The following ARB2A variants were observed in gnomAD, a reference collection of about 807,000 sequenced individuals.
The protein encoded by ARB2A is ARB2 cotranscriptional regulator A.
At chr5:93,735,994 C>T in the ARB2A span, 3 of 152,070 alleles carry the variant, frequency 2.0e-5, no homozygotes, top group East Asian at 1.9e-4. Flanking sequence ...GCATTAAGAG[C>T]AGACATTAAG....
chr5:93,784,423 T>G, the ARB2A span: 1 of 1,613,552 alleles, frequency 6.2e-7, no homozygotes, highest in Non-Finnish European at 8.5e-7. Context: ...AGCTTCTTGA[T>G]GCCACACATT....
chr5:93,697,089 C>T, the ARB2A span, among the ~76,000 whole-genome samples: 2 of 145,936 alleles, frequency 1.4e-5, no homozygotes, highest in Non-Finnish European at 3.0e-5. Flanking sequence ...AAAAGGTTGG[C>T]GGACAAGTTT....
At chr5:93,895,276 A>G in the ARB2A span, among the ~76,000 whole-genome samples, 1 of 152,198 alleles carries the variant, frequency 6.6e-6, no homozygotes, top group Non-Finnish European at 1.5e-5. Flanking sequence ...GATCATGGAT[A>G]TGTAAGAGAT....
chr5:94,044,527 C>T, the ARB2A span, among the ~76,000 whole-genome samples: 1 of 152,044 alleles, frequency 6.6e-6, no homozygotes, highest in Admixed American at 6.6e-5. Context: ...ATCTTCATCC[C>T]TCTGCAACCC....
At chr5:94,110,486 T>C in the ARB2A span, among the ~76,000 whole-genome samples, 2 of 152,154 alleles carry the variant, frequency 1.3e-5, no homozygotes, top group Non-Finnish European at 2.9e-5. Flanking sequence ...CTTTTCAGCG[T>C]AGGATTCACT....
chr5:93,984,605 T>C, the ARB2A span, among the ~76,000 whole-genome samples: 1 of 152,146 alleles, frequency 6.6e-6, no homozygotes, highest in Non-Finnish European at 1.5e-5. Context: ...AATCAAATAC[T>C]ACCCTCCAAA....
the ARB2A span, among the ~76,000 whole-genome samples, chr5:94,013,305 G>A: frequency 4.0e-5 from 6 of 151,234 alleles, no homozygotes; most frequent in South Asian, 6.3e-4. Context: ...AGCCTCCTGA[G>A]TAGCTGGGAT....
the ARB2A span, among the ~76,000 whole-genome samples, chr5:93,779,124 T>TGTGTGTGTGTGTGTGTGCGCGC: frequency 2.1e-5 from 3 of 146,298 alleles, no homozygotes; most frequent in African/African-American, 7.8e-5. Flanking sequence ...TGTGTGTGTG[T>TGTGTGTGTGTGTGTGTGCGCGC]GCGCGCGCGC....
the ARB2A span, among the ~76,000 whole-genome samples, chr5:93,715,046 C>T: frequency 6.6e-6 from 1 of 152,088 alleles, no homozygotes; most frequent in Non-Finnish European, 1.5e-5. Context: ...TAAAGAAATT[C>T]CATTCCTCCC....
the ARB2A span, among the ~76,000 whole-genome samples, chr5:93,950,714 G>T: frequency 6.6e-6 from 1 of 151,862 alleles, no homozygotes; most frequent in Admixed American, 6.6e-5. Flanking sequence ...GGAGGCCAAG[G>T]TGGACAGATC....
At chr5:93,753,083 T>C in the ARB2A span, among the ~76,000 whole-genome samples, 2 of 152,186 alleles carry the variant, frequency 1.3e-5, no homozygotes, top group Non-Finnish European at 2.9e-5. Context: ...CAGTATCATA[T>C]ATGCTAATAT....
At chr5:94,055,541 A>T in the ARB2A span, 1 of 643,024 alleles carries the variant, frequency 1.6e-6, no homozygotes, top group Non-Finnish European at 1.9e-6. Context: ...ACATAAAAAT[A>T]TACTATCCCC....
the ARB2A span, among the ~76,000 whole-genome samples, chr5:93,912,903 AT>A: frequency 1.3e-5 from 2 of 151,750 alleles, no homozygotes; most frequent in Admixed American, 6.6e-5. Flanking sequence ...AAGGAAGACC[AT>A]TTTTTTAAAA....
the ARB2A span, among the ~76,000 whole-genome samples, chr5:94,059,513 T>C: frequency 2.1e-5 from 3 of 142,578 alleles, no homozygotes; most frequent in African/African-American, 7.8e-5. Flanking sequence ...CCCAGGTACT[T>C]GGGAGGCCGA....
the ARB2A span, among the ~76,000 whole-genome samples, chr5:94,106,262 A>G: frequency 6.6e-6 from 1 of 152,254 alleles, no homozygotes; most frequent in East Asian, 1.9e-4. Flanking sequence ...GCCAGGATCT[A>G]TAAGGAACTT....
the ARB2A span, among the ~76,000 whole-genome samples, chr5:94,080,005 C>T: frequency 1.3e-5 from 2 of 152,018 alleles, no homozygotes; most frequent in Non-Finnish European, 2.9e-5. Context: ...AATGTTAAAA[C>T]TTAAGAAATT....
chr5:93,927,885 A>G, the ARB2A span, among the ~76,000 whole-genome samples: 2 of 152,178 alleles, frequency 1.3e-5, no homozygotes, highest in African/African-American at 4.8e-5. Flanking sequence ...GATTACTGAT[A>G]TCCAATTATC....
the ARB2A span, among the ~76,000 whole-genome samples, chr5:93,926,324 G>C: frequency 6.6e-6 from 1 of 151,808 alleles, no homozygotes; most frequent in Non-Finnish European, 1.5e-5. Context: ...AGTAGAGATG[G>C]GTTTCTCCAT....
the ARB2A span, among the ~76,000 whole-genome samples, chr5:93,827,627 T>G: frequency 2.8e-4 from 43 of 151,958 alleles, no homozygotes; most frequent in Non-Finnish European, 5.9e-5. Flanking sequence ...AATTTTGGCT[T>G]TTGTTGCCAT....
Sources: gnomAD v4.1 joint callset for allele counts (sites outside exome capture counted in the v4.1 genomes callset) on GRCh38, gnomAD v4.1.1 for gene constraint, MANE v1.5 for transcripts, NCBI Gene and HGNC (gene_info 2026-07-23, HGNC 2026-07-21) for gene names.